C2CD3: variants seen among roughly 807,000 people sequenced by gnomAD.
The protein encoded by C2CD3 is C2 domain-containing protein 3.
C2CD3 carries 148 observed loss-of-function variants against 234.0 expected under a neutral mutation model. The ratio of observed to expected loss-of-function variants is 0.63; its 90% CI spans 0.55 to 0.72. The LOEUF (loss-of-function observed/expected upper bound fraction) is 0.72, where lower values mean the gene tolerates loss of function less well. Among genes scored for constraint, C2CD3 ranks in the 30% least tolerant of loss-of-function variants. The pLI, the probability that C2CD3 is intolerant of heterozygous loss-of-function variation, is 0.00. For missense variants in C2CD3, 2,577 were observed against 2,811.5 expected (o/e 0.92, Z 1.89); for synonymous variants, 1,000 against 1,035.4 (o/e 0.97, Z 0.66).
At chr11:74,050,743 C>A (rs982265350) in intron 26 of C2CD3, among the ~76,000 whole-genome samples, 1 of 146,916 alleles carries the variant, frequency 6.8e-6, no homozygotes, top group African/African-American at 2.7e-5. Context: ...TAGACTGGAA[C>A]CTAGCTAAAC....
chr11:74,040,989 A>G (rs1466571351), intron 29 of C2CD3, among the ~76,000 whole-genome samples: 1 of 140,216 alleles, frequency 7.1e-6, no homozygotes, highest in Non-Finnish European at 1.5e-5. Flanking sequence ...TTTTGGTGCT[A>G]TAACAGATTT....
intron 28 of C2CD3, among the ~76,000 whole-genome samples, chr11:74,044,158 G>A (rs573877677): frequency 1.3e-5 from 2 of 149,228 alleles, no homozygotes; most frequent in Admixed American, 1.3e-4. Flanking sequence ...ATATGTTCTA[G>A]ATATAAGATC....
chr11:74,093,945 A>G lies in C2CD3; in HGVS notation c.3215T>C (p.Ile1072Thr), dbSNP rs200907210. 1 of 1,614,076 alleles carries G rather than the reference A, an allele frequency of 6.2e-7. No individual in the cohort carries two copies. The highest frequency in any genetic ancestry group is 2.2e-5 in the East Asian group (1 of 44,884). Residue 1072 changes from isoleucine to threonine, a missense_variant, in exon 18 of 33, where the codon ATC (isoleucine) becomes ACC (threonine). Ile to Thr is a moderately conservative substitution (Grantham distance 89). Coordinates refer to ENST00000334126, the MANE Select transcript of C2CD3 (RefSeq NM_001286577.2). Reference sequence around the variant, plus strand: ...AGAGTGATGGTGTTCACTATTAAAGATGGGATCTGGAACACAGAGTGTGGT... The same window carrying G: ...AGAGTGATGGTGTTCACTATTAAAGGTGGGATCTGGAACACAGAGTGTGGT... ...TATTLCVPDP[I>T]FNSEHHHSLL...
At chr11:74,069,709 T>C (rs901523022) in intron 24 of C2CD3, among the ~76,000 whole-genome samples, 1 of 152,192 alleles carries the variant, frequency 6.6e-6, no homozygotes. Context: ...TTTTTTTCCA[T>C]TGCAATCATT....
At chr11:74,121,608 C>CAAAAAAAAAAAAAA in intron 8 of C2CD3, among the ~76,000 whole-genome samples, 1 of 62,182 alleles carries the variant, frequency 1.6e-5, no homozygotes, top group Non-Finnish European at 3.8e-5. Context: ...GACTCCGTCT[C>CAAAAAAAAAAAAAA]AAAAAAAAAA....
At chr11:74,016,389 A>C (rs1314994198) in intron 32 of C2CD3, among the ~76,000 whole-genome samples, 1 of 151,920 alleles carries the variant, frequency 6.6e-6, no homozygotes, top group Non-Finnish European at 1.5e-5. Context: ...AGGGAACAGC[A>C]TGAGCACAGA....
At position 74,059,175 on chromosome 11, in the gene C2CD3, G is replaced by A. The variant is rs150780803; in HGVS notation, c.4952-1631C>T. Among the ~76,000 whole-genome samples, 78 of 152,092 alleles carry A rather than the reference G, an allele frequency of 5.1e-4. No homozygotes were observed. The East Asian group carries it at 0.01, about 20-fold the overall frequency. ...CAGATTCTGTATGTGTATTCTAACT[G>A]GTTTGTATTCTTTATAACTGTCTAG... is the stretch of plus-strand genomic sequence containing the variant. On this transcript the variant is annotated intron_variant, in intron 24 of 32. Transcript: ENST00000334126.
intron 7 of C2CD3, among the ~76,000 whole-genome samples, chr11:74,127,250 T>C (rs1185463986): frequency 6.6e-6 from 1 of 152,164 alleles, no homozygotes; most frequent in Non-Finnish European, 1.5e-5. Flanking sequence ...AAAGCGATTC[T>C]CCCAACTCGG....
At chr11:74,110,688 T>C (rs963213276) in intron 11 of C2CD3, 9 of 152,270 alleles carry the variant, frequency 5.9e-5, no homozygotes, top group African/African-American at 2.2e-4. Context: ...ACTGTTACTA[T>C]ATTTCTTATA....
chr11:74,092,298 AC>A, intron 19 of C2CD3, 117 bp downstream of exon 19: 1 of 836,002 alleles, frequency 1.2e-6, no homozygotes, highest in East Asian at 2.8e-5. Context: ...CAGGTGATCC[AC>A]CCGCCTTGGC....
chr11:74,127,826 G>A (rs1957465624), intron 7 of C2CD3, among the ~76,000 whole-genome samples: 2 of 151,304 alleles, frequency 1.3e-5, no homozygotes, highest in South Asian at 2.1e-4. Flanking sequence ...TTGATTTCCC[G>A]ATAACAAATG....
chr11:74,143,006 C>T (rs1854909750), intron 3 of C2CD3, among the ~76,000 whole-genome samples: 1 of 152,132 alleles, frequency 6.6e-6, no homozygotes. Context: ...CCAATAGAAA[C>T]CACCTACACT....
chr11:74,156,268 G>A (rs770843812), intron 3 of C2CD3, among the ~76,000 whole-genome samples: 2 of 151,260 alleles, frequency 1.3e-5, no homozygotes, highest in African/African-American at 2.4e-5. Context: ...GCAAGACTCC[G>A]TCTCAAAAAA....
chr11:74,125,438 C>A (rs1013509140), intron 7 of C2CD3, among the ~76,000 whole-genome samples: 3 of 152,098 alleles, frequency 2.0e-5, no homozygotes, highest in Non-Finnish European at 4.4e-5. Flanking sequence ...CAGGTGTGAG[C>A]CCCCATGCCT....
chr11:74,104,323 T>C (rs2135497856), intron 13 of C2CD3, among the ~76,000 whole-genome samples: 1 of 152,332 alleles, frequency 6.6e-6, no homozygotes, highest in Middle Eastern at 3.4e-3. Context: ...CTGGTATAAT[T>C]GGTGAAATCT....
In C2CD3 at chr11:74,074,496, C is replaced by G. The variant is rs1565258687; in HGVS notation, c.4708G>C (p.Glu1570Gln). The G allele has an allele frequency of 6.2e-7, 1 of 1,614,160 alleles. No individual in the cohort carries two copies. Among genetic ancestry groups the G allele is most frequent in the East Asian group, 2.2e-5 (1 of 44,874 alleles). The change falls in exon 24 of 33, where the codon GAG (glutamate) becomes CAG (glutamine). Residue 1570 changes from glutamate to glutamine, a missense_variant. Transcript: ENST00000334126. ...SLSSHLEPTHELDSMDCSSHS... is the reference protein window; with the variant it reads ...SLSSHLEPTHQLDSMDCSSHS... ...CTGCTGCAGTCCATGGAGTCCAGCT[C>G]ATGAGTGGGCTCAAGGTGTGAGGAA...
At chr11:74,169,935 G>C (rs563659625) in intron 1 of C2CD3, among the ~76,000 whole-genome samples, 1 of 152,246 alleles carries the variant, frequency 6.6e-6, no homozygotes, top group East Asian at 1.9e-4. Context: ...TCGCTAAACT[G>C]CCTACAATGC....
At chr11:74,037,246 T>C (rs890601519) in intron 30 of C2CD3, among the ~76,000 whole-genome samples, 2 of 151,728 alleles carry the variant, frequency 1.3e-5, no homozygotes, top group Non-Finnish European at 2.9e-5. Flanking sequence ...CAGAAGCCCA[T>C]CAAGGACCTG....
intron 26 of C2CD3, among the ~76,000 whole-genome samples, chr11:74,050,006 C>T (rs568363997): frequency 1.1e-4 from 16 of 151,232 alleles, no homozygotes; most frequent in Admixed American, 2.0e-4. Context: ...TCTTGAACCC[C>T]CAGCCTCAAG....
Sources: gnomAD v4.1 joint callset for allele counts (sites outside exome capture counted in the v4.1 genomes callset) on GRCh38, gnomAD v4.1.1 for gene constraint, MANE v1.5 for transcripts, NCBI Gene and HGNC (gene_info 2026-07-23, HGNC 2026-07-21) for gene names.